Variants in TMX2 observed in about 807,000 individuals in gnomAD.
The protein encoded by TMX2 is thioredoxin related transmembrane protein 2, also known as thioredoxin-related transmembrane protein 2.
In TMX2, 20 loss-of-function variants were observed where a neutral mutation model predicts 33.4. The ratio of observed to expected loss-of-function variants is 0.60; its 90% CI spans 0.42 to 0.87. The LOEUF (loss-of-function observed/expected upper bound fraction) is 0.87, where lower values mean the gene tolerates loss of function less well. Among genes scored for constraint, TMX2 ranks in the 40% least tolerant of loss-of-function variants. TMX2 has a pLI of 0.00. For synonymous variants in TMX2, 166 were observed against 140.7 expected, an observed-to-expected ratio of 1.18 and a Z score of -1.27; for missense variants, 340 against 370.7, an observed-to-expected ratio of 0.92 and a Z score of 0.68.
At position 57,737,685 on chromosome 11, in the gene TMX2, T is replaced by C. The variant is rs1253875144; in HGVS notation, c.250+17T>C. The stretch of plus-strand genomic sequence containing the variant: ...GCAGATCCAGTAAGTTTAGTTCACT[T>C]CTCAGACTCAAGGTTAGATCTAATG... On this transcript the variant is annotated intron_variant, in intron 2 of 7. Coordinates refer to ENST00000278422, the MANE Select transcript of TMX2 (RefSeq NM_015959.4). 6.2e-7 allele frequency: 1 copy of C among 1,612,372 alleles called. No individual in the cohort carries two copies. The highest frequency in any genetic ancestry group is 2.2e-5 in the East Asian group (1 of 44,880).
chr11:57,739,587 G>C (rs1306514685), intron 7 of TMX2, among the ~76,000 whole-genome samples: 1 of 152,126 alleles, frequency 6.6e-6, no homozygotes, highest in African/African-American at 2.4e-5. Flanking sequence ...GAGAAACCCC[G>C]TGTCTACTAA....
intron 1 of TMX2, among the ~76,000 whole-genome samples, chr11:57,726,875 A>G (rs1327124047): frequency 6.6e-6 from 1 of 152,202 alleles, no homozygotes; most frequent in Non-Finnish European, 1.5e-5. Flanking sequence ...TTTTCAAATA[A>G]GATTTATCAC....
chr11:57,718,629 A>G, intron 1 of TMX2: 3 of 312,340 alleles, frequency 9.6e-6, no homozygotes, highest in Admixed American at 4.7e-5. Flanking sequence ...TCCTCCATTC[A>G]TTTATTCTGA....
chr11:57,724,867 G>T (rs933477476), intron 1 of TMX2, among the ~76,000 whole-genome samples: 2 of 151,748 alleles, frequency 1.3e-5, no homozygotes, highest in Non-Finnish European at 2.9e-5. Flanking sequence ...GTGAAACCGT[G>T]TCTCTACTAA....
At chr11:57,739,332 TG>T (rs1254015845) in intron 7 of TMX2, 72 bp downstream of exon 7, 45 of 1,546,460 alleles carry the variant, frequency 2.9e-5, no homozygotes, top group Middle Eastern at 1.7e-4. Context: ...TACCCGGGTT[TG>T]ATTCACAGCT....
At chr11:57,722,287 C>T (rs749634681) in intron 1 of TMX2, among the ~76,000 whole-genome samples, 2 of 152,130 alleles carry the variant, frequency 1.3e-5, no homozygotes, top group Non-Finnish European at 2.9e-5. Context: ...CAGGTGTGAG[C>T]CACCGCACCC....
chr11:57,730,426 TAAAAAAAAAAAA>T (rs61228178), intron 1 of TMX2, among the ~76,000 whole-genome samples: 8 of 23,570 alleles, frequency 3.4e-4, no homozygotes, highest in Non-Finnish European at 5.9e-4. Context: ...AAACTGTCTT[TAAAAAAAAAAAA>T]AAAAAAAAAA....
intron 7 of TMX2, 26 bp from the exon 8 acceptor site, chr11:57,740,073 C>T (rs896402543): frequency 5.0e-6 from 8 of 1,613,626 alleles, no homozygotes; most frequent in Non-Finnish European, 5.9e-6. Flanking sequence ...AACCCAGATC[C>T]TGACGTGTGC....
intron 1 of TMX2, among the ~76,000 whole-genome samples, chr11:57,724,024 G>A (rs1399550236): frequency 6.6e-6 from 1 of 151,722 alleles, no homozygotes; most frequent in Non-Finnish European, 1.5e-5. Context: ...GTAATGTAAA[G>A]GAATTGTTCC....
In TMX2 at chr11:57,740,134, A is replaced by G. The variant is rs1949001686; in HGVS notation, c.780A>G (p.Leu260=). Residue 260 remains leucine, a synonymous_variant, in exon 8 of 8, where the codon CTA becomes CTG. Transcript: ENST00000278422. ...NVIREFNLNE[L]YQRAKKLSKA... ...TCCGAGAATTTAACTTAAATGAGCT[A>G]TACCAGCGGGCCAAGAAACTATCAA... The G allele has an allele frequency of 8.7e-6, 14 of 1,613,862 alleles. No individual in the cohort carries two copies. Among genetic ancestry groups the G allele is most frequent in the African/African-American group, 1.3e-5 (1 of 74,912 alleles).
intron 1 of TMX2, among the ~76,000 whole-genome samples, chr11:57,737,343 G>A (rs1241515012): frequency 6.6e-6 from 1 of 151,514 alleles, no homozygotes; most frequent in Non-Finnish European, 1.5e-5. Context: ...AGCCGAGATC[G>A]CGCCATTGCA....
Position 57,731,137 on chromosome 11 carries a change from T to G in TMX2, c.190-6471T>G, listed in dbSNP as rs1169115059. On this transcript the variant is annotated intron_variant, in intron 1 of 7. Coordinates refer to ENST00000278422, the MANE Select transcript of TMX2 (RefSeq NM_015959.4). ...TTTTTTGTTTTTTGTTTTTTTTTTT[T>G]TTTTTTTTTTTTTTTTGAGATCCAG... Among the ~76,000 whole-genome samples, 80 of 138,522 alleles carry G rather than the reference T, an allele frequency of 5.8e-4. 1 individual carries two copies. In the East Asian group the frequency reaches 8.4e-3, roughly 14 times the overall value. The allele number at this position is 138,522 out of a possible 152,430, so 90.9% of individuals were successfully genotyped here.
At chr11:57,739,536 TC>T (rs1182824008) in intron 7 of TMX2, among the ~76,000 whole-genome samples, 1 of 152,198 alleles carries the variant, frequency 6.6e-6, no homozygotes, top group Non-Finnish European at 1.5e-5. Context: ...GGCTGGCAGA[TC>T]ACCTGAGGTC....
chr11:57,739,529 T>G (rs1437907941), intron 7 of TMX2, among the ~76,000 whole-genome samples: 1 of 152,156 alleles, frequency 6.6e-6, no homozygotes. Context: ...AGGCCGAGGC[T>G]GGCAGATCAC....
chr11:57,727,084 T>C (rs1948053471), intron 1 of TMX2, among the ~76,000 whole-genome samples: 1 of 152,168 alleles, frequency 6.6e-6, no homozygotes, highest in African/African-American at 2.4e-5. Context: ...TTGTAAATAT[T>C]ATGCCAGATA....
At chr11:57,717,109 G>T (rs1344038766) in intron 1 of TMX2, among the ~76,000 whole-genome samples, 1 of 149,696 alleles carries the variant, frequency 6.7e-6, no homozygotes, top group East Asian at 1.9e-4. Flanking sequence ...ACGATGGGCG[G>T]CCGGGCAGAG....
chr11:57,719,577 A>G (rs539358427), intron 1 of TMX2, among the ~76,000 whole-genome samples: 4 of 132,522 alleles, frequency 3.0e-5, no homozygotes, highest in African/African-American at 1.1e-4. Context: ...CTGGAGTGCA[A>G]TGGTGAGATG....
chr11:57,740,011 C>T, intron 7 of TMX2, 88 bp from the exon 8 acceptor site: 1 of 1,584,808 alleles, frequency 6.3e-7, no homozygotes, highest in Non-Finnish European at 8.6e-7. Context: ...CTTCCTTTCC[C>T]AGACTTTGTG....
At chr11:57,738,563 G>T in intron 4 of TMX2, 101 bp from the exon 5 acceptor site, 1 of 1,241,962 alleles carries the variant, frequency 8.1e-7, no homozygotes, top group Middle Eastern at 1.9e-4. Context: ...TATGAGAGCC[G>T]GGGGAGAGGG....
Sources: gnomAD v4.1 joint callset for allele counts (sites outside exome capture counted in the v4.1 genomes callset) on GRCh38, gnomAD v4.1.1 for gene constraint, MANE v1.5 for transcripts, NCBI Gene and HGNC (gene_info 2026-07-23, HGNC 2026-07-21) for gene names.